The following CD96 variants were observed in gnomAD, a reference collection of about 807,000 sequenced individuals.
CD96 encodes the protein T-cell surface protein tactile.
In CD96, 70 loss-of-function variants were observed where a neutral mutation model predicts 71.3. That is an observed-to-expected ratio of 0.98 (90% CI 0.81 to 1.20). The LOEUF is 1.20. Ranked by LOEUF, CD96 falls within the 50% of genes most tolerant of loss-of-function variation. The pLI, the probability that CD96 is intolerant of heterozygous loss-of-function variation, is 0.00. For missense variants in CD96, 742 were observed against 677.5 expected (o/e 1.10, Z -1.06); for synonymous variants, 248 against 233.0 (o/e 1.06, Z -0.59).
At chr3:111,641,512 A>G (rs1939589142) in intron 12 of CD96, among the ~76,000 whole-genome samples, 1 of 152,224 alleles carries the variant, frequency 6.6e-6, no homozygotes, top group Admixed American at 6.5e-5. Flanking sequence ...TTACTAATAG[A>G]CCTAAGAAAT....
In CD96 at chr3:111,606,679, ATC is replaced by A. The variant is rs776694131; in HGVS notation, c.1088-17_1088-16del. ...GATTACAATATTTTGTTCATTATAA[ATC>A]TCTTTCTAATCCTTTAAGGTTCTGA... On this transcript the variant is annotated intron_variant, in intron 7 of 13. Coordinates refer to ENST00000352690, the MANE Select transcript of CD96 (RefSeq NM_005816.5). 4.3e-6 allele frequency: 5 copies of A among 1,175,014 alleles called. No individual in the cohort carries two copies. In the South Asian group the frequency reaches 6.1e-5, roughly 14 times the overall value. 72.8% of individuals were successfully genotyped at this position (1,175,014 alleles called of 1,614,324 possible).
At chr3:111,602,239 C>T (rs539351461) in intron 7 of CD96, among the ~76,000 whole-genome samples, 4 of 152,240 alleles carry the variant, frequency 2.6e-5, no homozygotes, top group South Asian at 2.1e-4. Context: ...CTAAAAAGAA[C>T]CCTATTCCCA....
intron 7 of CD96, among the ~76,000 whole-genome samples, chr3:111,602,219 G>T (rs941254699): frequency 8.5e-5 from 13 of 152,082 alleles, no homozygotes; most frequent in African/African-American, 2.9e-4. Flanking sequence ...GACCCTAAAA[G>T]CTCAAATTCC....
intron 2 of CD96, among the ~76,000 whole-genome samples, chr3:111,562,115 C>G (rs1183085279): frequency 6.6e-6 from 1 of 152,204 alleles, no homozygotes; most frequent in African/African-American, 2.4e-5. Flanking sequence ...GTCTGGCGCT[C>G]CCTAGTGAGA....
At chr3:111,625,993 TAG>T (rs1938730463) in intron 10 of CD96, among the ~76,000 whole-genome samples, 1 of 152,164 alleles carries the variant, frequency 6.6e-6, no homozygotes, top group Admixed American at 6.5e-5. Context: ...CACACGTGGC[TAG>T]AAACATCTAA....
intron 10 of CD96, among the ~76,000 whole-genome samples, chr3:111,631,467 A>G (rs534870044): frequency 2.0e-5 from 3 of 152,336 alleles, no homozygotes; most frequent in African/African-American, 7.2e-5. Context: ...TTCAAGAACT[A>G]CAAGCCACTG....
chr3:111,549,205 G>C (rs777828356), intron 2 of CD96, among the ~76,000 whole-genome samples: 1 of 146,782 alleles, frequency 6.8e-6, no homozygotes, highest in East Asian at 2.0e-4. Flanking sequence ...CTTTGGAAGC[G>C]CTGCTTCAAC....
intron 8 of CD96, among the ~76,000 whole-genome samples, chr3:111,615,877 T>C (rs1318734503): frequency 1.3e-5 from 2 of 152,208 alleles, no homozygotes; most frequent in Non-Finnish European, 2.9e-5. Flanking sequence ...GCTAGCCTCC[T>C]AGCTGTTTCT....
chr3:111,649,667 T>C, intron 13 of CD96, 31 bp from the exon 14 acceptor site: 4 of 1,289,382 alleles, frequency 3.1e-6, no homozygotes, highest in Non-Finnish European at 3.4e-6. Flanking sequence ...CCTCAATTCT[T>C]AGCATTGAAA....
At chr3:111,647,136 C>T (rs947668822) in intron 12 of CD96, among the ~76,000 whole-genome samples, 3 of 145,738 alleles carry the variant, frequency 2.1e-5, no homozygotes, top group African/African-American at 7.6e-5. Context: ...CTGTTGATTA[C>T]CTGGGTGACA....
At chr3:111,601,186 A>G (rs1937482334) in intron 7 of CD96, among the ~76,000 whole-genome samples, 2 of 152,298 alleles carry the variant, frequency 1.3e-5, no homozygotes, top group East Asian at 3.9e-4. Flanking sequence ...ATTCATCATA[A>G]CTCTTAATTA....
intron 1 of CD96, among the ~76,000 whole-genome samples, chr3:111,543,792 G>A (rs1934236783): frequency 6.6e-6 from 1 of 152,056 alleles, no homozygotes; most frequent in Non-Finnish European, 1.5e-5. Context: ...CCCCATCTCT[G>A]TCTAGCTTCA....
At chr3:111,597,317 C>G (rs964047943) in intron 5 of CD96, among the ~76,000 whole-genome samples, 2 of 152,194 alleles carry the variant, frequency 1.3e-5, no homozygotes, top group Non-Finnish European at 1.5e-5. Flanking sequence ...AAGAAAGTAT[C>G]ATCCCCCAAA....
At chr3:111,577,431 A>C in intron 3 of CD96, 28 of 1,050,866 alleles carry the variant, frequency 2.7e-5, no homozygotes, top group Non-Finnish European at 3.5e-5. Context: ...CCCAATACTT[A>C]GAGCTCCTCT....
chr3:111,594,895 G>C (rs1446612029), intron 5 of CD96: 1 of 167,160 alleles, frequency 6.0e-6, no homozygotes, highest in East Asian at 1.9e-4. Context: ...GTCCTTAGAG[G>C]TGTCTCTCAG....
In CD96 at chr3:111,638,231, G is replaced by C. The variant is rs573053864; in HGVS notation, c.1477+63G>C. ...TATTCACTCAATAAATATTTATCAA[G>C]TACCTGCCATTTGCCAGGCATTATG... On this transcript the variant is annotated intron_variant, in intron 12 of 13. Coordinates refer to ENST00000352690, the MANE Select transcript of CD96 (RefSeq NM_005816.5). 2.9e-6 allele frequency: 3 copies of C among 1,022,888 alleles called. No homozygotes were observed. The African/African-American group carries it at 4.7e-5, about 16-fold the overall frequency. The allele number at this position is 1,022,888 out of a possible 1,614,324, so 63.4% of individuals were successfully genotyped here.
At chr3:111,624,960 C>T (rs1429517648) in intron 10 of CD96, among the ~76,000 whole-genome samples, 1 of 152,184 alleles carries the variant, frequency 6.6e-6, no homozygotes, top group Non-Finnish European at 1.5e-5. Flanking sequence ...TATATTGCCT[C>T]TTAGTGGTAT....
chr3:111,634,953 T>C (rs1449430117), intron 10 of CD96: 1 of 152,816 alleles, frequency 6.5e-6, no homozygotes, highest in Non-Finnish European at 1.5e-5. Flanking sequence ...AAGAAGACTT[T>C]AAAAGGGCAT....
At chr3:111,600,221 T>A (rs1317208552) in intron 6 of CD96, among the ~76,000 whole-genome samples, 1 of 152,190 alleles carries the variant, frequency 6.6e-6, no homozygotes, top group Non-Finnish European at 1.5e-5. Context: ...CCAGACACAC[T>A]TCCTCGCTCA....
Sources: allele counts gnomAD v4.1 joint callset (sites outside exome capture counted in the v4.1 genomes callset), GRCh38; gene constraint gnomAD v4.1.1; transcripts MANE v1.5; gene names NCBI Gene and HGNC (gene_info 2026-07-23, HGNC 2026-07-21).